RMDN2: variants seen among roughly 807,000 people sequenced by gnomAD.
The protein encoded by RMDN2 is regulator of microtubule dynamics protein 2.
RMDN2 carries 61 observed loss-of-function variants against 52.8 expected under a neutral mutation model. The observed-to-expected ratio is 1.16, with a 90% CI of 0.94 to 1.43. The LOEUF is 1.43. Among genes scored for constraint, RMDN2 ranks in the 40% most tolerant of loss-of-function variants. RMDN2 has a pLI of 0.00. For missense variants in RMDN2, 592 were observed against 475.3 expected, an observed-to-expected ratio of 1.25 and a Z score of -2.28; for synonymous variants, 180 against 153.1, an observed-to-expected ratio of 1.18 and a Z score of -1.30.
intron 2 of RMDN2, among the ~76,000 whole-genome samples, chr2:37,955,242 G>T (rs1416761489): frequency 6.6e-6 from 1 of 152,098 alleles, no homozygotes. Flanking sequence ...TCGAACAGAA[G>T]TGATAAAGAG....
At chr2:37,979,499 T>G (rs1352656103) in intron 4 of RMDN2, among the ~76,000 whole-genome samples, 1 of 152,230 alleles carries the variant, frequency 6.6e-6, no homozygotes, top group Non-Finnish European at 1.5e-5. Flanking sequence ...GTTGTTATGC[T>G]TAGTACAGAT....
intron 10 of RMDN2, among the ~76,000 whole-genome samples, chr2:38,013,703 A>C (rs1380760927): frequency 6.6e-6 from 1 of 152,192 alleles, no homozygotes; most frequent in African/African-American, 2.4e-5. Context: ...AAGTTATAAA[A>C]CAGAATTTGT....
upstream of RMDN2, among the ~76,000 whole-genome samples, chr2:37,922,021 G>C (rs1666046049): frequency 6.6e-6 from 1 of 152,174 alleles, no homozygotes; most frequent in South Asian, 2.1e-4. Context: ...TTCTTCCTCT[G>C]CCCCTGCTCT....
chr2:38,021,056 G>T (rs564214802), downstream of RMDN2, among the ~76,000 whole-genome samples: 16 of 152,178 alleles, frequency 1.1e-4, no homozygotes, highest in African/African-American at 3.6e-4. Flanking sequence ...CTAGCTCAAG[G>T]TTTGTAAACA....
intron 8 of RMDN2, 31 bp from the exon 9 acceptor site, chr2:38,003,960 G>C (rs780545880): frequency 3.9e-6 from 6 of 1,535,128 alleles, no homozygotes; most frequent in Non-Finnish European, 5.4e-6. Context: ...ATATTGCCCT[G>C]TTATTCTCTC....
At chr2:38,042,395 T>TC (rs1243452527) in intron 10 of RMDN2, among the ~76,000 whole-genome samples, 1 of 117,194 alleles carries the variant, frequency 8.5e-6, no homozygotes, top group African/African-American at 4.4e-5. Context: ...TTCCAAAACC[T>TC]CCCCCCGCCA....
At chr2:37,933,500 C>G (rs371808281) in intron 2 of RMDN2, among the ~76,000 whole-genome samples, 1 of 152,254 alleles carries the variant, frequency 6.6e-6, no homozygotes, top group Non-Finnish European at 1.5e-5. Flanking sequence ...CTGAGTGAAC[C>G]AGACTCCGTC....
intron 4 of RMDN2, among the ~76,000 whole-genome samples, chr2:37,977,519 C>T (rs1672664072): frequency 6.6e-6 from 1 of 151,820 alleles, no homozygotes; most frequent in African/African-American, 2.4e-5. Flanking sequence ...CGCCTCACTT[C>T]CCGGATGGGG....
chr2:38,007,609 A>C (rs1213151741), intron 10 of RMDN2, among the ~76,000 whole-genome samples: 2 of 151,968 alleles, frequency 1.3e-5, no homozygotes, highest in African/African-American at 4.8e-5. Flanking sequence ...CTTCTTTATT[A>C]GTCTTCCTAG....
chr2:37,951,656 A>C (rs1412708908), intron 2 of RMDN2: 1 of 1,613,308 alleles, frequency 6.2e-7, no homozygotes, highest in African/African-American at 1.3e-5. Context: ...TTGATCCTCA[A>C]GCAAGTGGCC....
intron 8 of RMDN2, among the ~76,000 whole-genome samples, chr2:38,001,408 G>A (rs1195571925): frequency 6.6e-6 from 1 of 152,160 alleles, no homozygotes; most frequent in African/African-American, 2.4e-5. Context: ...TACCCTCCTT[G>A]TAATTCATCC....
chr2:38,005,915 A>G (rs1470942460), intron 10 of RMDN2, among the ~76,000 whole-genome samples: 2 of 152,180 alleles, frequency 1.3e-5, no homozygotes, highest in Non-Finnish European at 1.5e-5. Flanking sequence ...TCAGCTTTCT[A>G]CATATGGCTA....
chr2:38,027,470 C>T (rs1049389257), intron 10 of RMDN2: 11 of 152,082 alleles, frequency 7.2e-5, no homozygotes, highest in African/African-American at 2.7e-4. Flanking sequence ...CTTTCCAGTC[C>T]TATAAACCAT....
intron 10 of RMDN2, among the ~76,000 whole-genome samples, chr2:38,010,295 C>A (rs1421312270): frequency 6.6e-6 from 1 of 152,204 alleles, no homozygotes; most frequent in Non-Finnish European, 1.5e-5. Context: ...TTTGGCTAAG[C>A]CCTGCCCCCA....
intron 2 of RMDN2, among the ~76,000 whole-genome samples, chr2:37,959,188 C>A (rs1025940036): frequency 1.3e-5 from 2 of 150,924 alleles, no homozygotes; most frequent in Non-Finnish European, 2.9e-5. Flanking sequence ...GGGAGAAGTC[C>A]CTCTTTTTCT....
At chr2:37,997,722 C>G in intron 8 of RMDN2, 1 of 499,710 alleles carries the variant, frequency 2.0e-6, no homozygotes. Flanking sequence ...GCCCTAGGTT[C>G]TAGGAATTAC....
chr2:37,980,809 G>A (rs992019558), intron 4 of RMDN2, among the ~76,000 whole-genome samples: 4 of 148,652 alleles, frequency 2.7e-5, no homozygotes, highest in African/African-American at 9.9e-5. Flanking sequence ...TTTTTTTCTT[G>A]CATGTAACTT....
intron 10 of RMDN2, among the ~76,000 whole-genome samples, chr2:38,031,920 G>T (rs1680236263): frequency 6.6e-6 from 1 of 152,060 alleles, no homozygotes; most frequent in Admixed American, 6.6e-5. Context: ...ATTGAGTCAG[G>T]TCTCAAGAGA....
intron 5 of RMDN2, among the ~76,000 whole-genome samples, chr2:37,985,047 A>G (rs548743780): frequency 6.6e-6 from 1 of 152,282 alleles, no homozygotes; most frequent in Non-Finnish European, 1.5e-5. Flanking sequence ...AATATGAAAA[A>G]TGTAACTCTA....
Sources: gnomAD v4.1 joint callset for allele counts (sites outside exome capture counted in the v4.1 genomes callset) on GRCh38, gnomAD v4.1.1 for gene constraint, MANE v1.5 for transcripts, NCBI Gene and HGNC (gene_info 2026-07-23, HGNC 2026-07-21) for gene names.